The following ITPR1 variants were observed in gnomAD, a reference collection of about 807,000 sequenced individuals.
ITPR1 encodes the protein inositol 1,4,5-trisphosphate-gated calcium channel ITPR1.
In ITPR1, 96 loss-of-function variants were observed where a neutral mutation model predicts 318.4. The ratio of observed to expected loss-of-function variants is 0.30; its 90% CI spans 0.26 to 0.36. The LOEUF (loss-of-function observed/expected upper bound fraction) is 0.36. Ranked by LOEUF, ITPR1 falls within the 10% of genes least tolerant of loss-of-function variation. The pLI is 1.00. For synonymous variants in ITPR1, 1,312 were observed against 1,289.9 expected (o/e 1.02, Z -0.37); for missense variants, 2,440 against 3,460.2 (o/e 0.71, Z 7.40).
At chr3:4,627,111 G>C (rs188035196) in intron 4 of ITPR1, among the ~76,000 whole-genome samples, 1 of 151,962 alleles carries the variant, frequency 6.6e-6, no homozygotes, top group African/African-American at 2.4e-5. Flanking sequence ...ATGAGCCACC[G>C]TGCCGGGCCT....
chr3:4,694,671 A>G (rs905217698), intron 33 of ITPR1, among the ~76,000 whole-genome samples: 4 of 152,216 alleles, frequency 2.6e-5, no homozygotes, highest in African/African-American at 4.8e-5. Context: ...ACCGAAGGCA[A>G]TTATAACACA....
intron 4 of ITPR1, among the ~76,000 whole-genome samples, chr3:4,595,120 T>C (rs1171623681): frequency 6.6e-6 from 1 of 152,204 alleles, no homozygotes; most frequent in Non-Finnish European, 1.5e-5. Flanking sequence ...TCAAGTATCA[T>C]AATGAAACGT....
chr3:4,702,591 A>G (rs1006131388), intron 35 of ITPR1, among the ~76,000 whole-genome samples: 3 of 152,178 alleles, frequency 2.0e-5, no homozygotes, highest in African/African-American at 4.8e-5. Flanking sequence ...AATAGCATCA[A>G]GTTAATGCAT....
chr3:4,616,931 C>G (rs1473079787), intron 4 of ITPR1, among the ~76,000 whole-genome samples: 1 of 151,870 alleles, frequency 6.6e-6, no homozygotes, highest in African/African-American at 2.4e-5. Context: ...TGTTGCGTTG[C>G]CTCCAGGCCA....
At chr3:4,832,661 G>A (rs2050599969) in intron 60 of ITPR1, among the ~76,000 whole-genome samples, 1 of 152,016 alleles carries the variant, frequency 6.6e-6, no homozygotes, top group African/African-American at 2.4e-5. Flanking sequence ...CTTTCTATCT[G>A]GTCTACGTAA....
chr3:4,787,794 T>C (rs966726755), intron 51 of ITPR1, among the ~76,000 whole-genome samples, 153 bp from the exon 52 acceptor site: 2 of 152,172 alleles, frequency 1.3e-5, no homozygotes, highest in African/African-American at 4.8e-5. Flanking sequence ...CTATTTTTTA[T>C]ATAAATCTGA....
intron 42 of ITPR1, among the ~76,000 whole-genome samples, chr3:4,732,580 GT>G (rs1559792865): frequency 6.6e-6 from 1 of 151,922 alleles, no homozygotes; most frequent in Admixed American, 6.6e-5. Context: ...TTTGTCTTTT[GT>G]TTTTTTAACC....
chr3:4,737,858 G>A (rs2043387641), intron 44 of ITPR1, among the ~76,000 whole-genome samples: 1 of 152,192 alleles, frequency 6.6e-6, no homozygotes, highest in African/African-American at 2.4e-5. Flanking sequence ...TGTTTGGGTG[G>A]TGGTTACATG....
chr3:4,741,714 A>T (rs1006031724), intron 44 of ITPR1, among the ~76,000 whole-genome samples: 2 of 152,126 alleles, frequency 1.3e-5, no homozygotes, highest in African/African-American at 4.8e-5. Flanking sequence ...GGGCAATTTG[A>T]TTTGCCTCTG....
intron 54 of ITPR1, among the ~76,000 whole-genome samples, chr3:4,801,191 T>C (rs1473687558): frequency 1.3e-5 from 2 of 152,112 alleles, no homozygotes; most frequent in Non-Finnish European, 2.9e-5. Context: ...AACCATACAT[T>C]GGAGAGGTTT....
At position 4,766,562 on chromosome 3, in the gene ITPR1, G is replaced by A. The variant is rs2045833137; in HGVS notation, c.5577G>A (p.Lys1859=). Residue 1859 remains lysine (K), a synonymous_variant, in exon 45 of 62, where the codon AAG becomes AAA. Coordinates refer to ENST00000649015, the MANE Select transcript of ITPR1 (RefSeq NM_001378452.1). ...TTTTCTGTCGCTTGACAGAAGATAA[G>A]AAGTCAGAGAAATTCTTTAAGGTGT... ...HSFFCRLTED[K]KSEKFFKVFY... is the part of the protein sequence containing the mutation. The A allele has an allele frequency of 6.2e-7, 1 of 1,613,648 alleles. No individual in the cohort carries two copies. Among genetic ancestry groups the A allele is most frequent in the Admixed American group, 1.7e-5 (1 of 59,988 alleles).
chr3:4,602,992 G>C (rs1412404128), intron 4 of ITPR1, among the ~76,000 whole-genome samples: 2 of 152,040 alleles, frequency 1.3e-5, no homozygotes, highest in African/African-American at 4.8e-5. Context: ...TGTTGGATGT[G>C]AACAATATCT....
intron 10 of ITPR1, among the ~76,000 whole-genome samples, chr3:4,651,446 C>T (rs910261613): frequency 1.3e-5 from 2 of 152,186 alleles, no homozygotes; most frequent in African/African-American, 4.8e-5. Flanking sequence ...AGAGAGGACC[C>T]TCAGGTAGAA....
chr3:4,580,102 C>CG (rs2089154663), intron 4 of ITPR1, among the ~76,000 whole-genome samples: 1 of 151,846 alleles, frequency 6.6e-6, no homozygotes. Context: ...CCCAGCTACC[C>CG]GGGAGGCTGA....
At chr3:4,614,825 C>T (rs751246335) in intron 4 of ITPR1, among the ~76,000 whole-genome samples, 1 of 152,172 alleles carries the variant, frequency 6.6e-6, no homozygotes, top group Non-Finnish European at 1.5e-5. Flanking sequence ...AACCTGGAAA[C>T]CTGGGTTTCT....
In ITPR1 at chr3:4,644,217, A is replaced by G. The variant is rs1235475848; in HGVS notation, c.607A>G (p.Asn203Asp). Residue 203 changes from asparagine to aspartate, a missense_variant, in exon 8 of 62, where the codon AAC becomes GAC. By Grantham distance (23) the Asn-to-Asp change is conservative. Transcript: ENST00000649015. Reference protein sequence around the residue: ...LHASSHQLVDNPGCNEVNSVN... With the variant: ...LHASSHQLVDDPGCNEVNSVN... ...TGCTAGCAGCCATCAACTGGTAGAT[A>G]ACCCAGGCTGCAATGAGGTAAGGAC... 6.2e-7 allele frequency: 1 copy of G among 1,607,642 alleles called. No individual in the cohort carries two copies. Among genetic ancestry groups the G allele is most frequent in the Admixed American group, 1.7e-5 (1 of 59,248 alleles).
intron 2 of ITPR1, among the ~76,000 whole-genome samples, chr3:4,501,625 G>C (rs2081029601): frequency 6.6e-6 from 1 of 152,166 alleles, no homozygotes; most frequent in African/African-American, 2.4e-5. Flanking sequence ...GCTGACCTTT[G>C]TACTTTTCCC....
At chr3:4,738,490 G>T (rs746531907) in intron 44 of ITPR1, among the ~76,000 whole-genome samples, 3 of 152,158 alleles carry the variant, frequency 2.0e-5, no homozygotes, top group Non-Finnish European at 2.9e-5. Flanking sequence ...GAAGTCAGAG[G>T]CCCCATTCGG....
chr3:4,810,698 C>A (rs2048883573), intron 55 of ITPR1, among the ~76,000 whole-genome samples: 1 of 152,202 alleles, frequency 6.6e-6, no homozygotes, highest in Admixed American at 6.5e-5. Flanking sequence ...CTACATCCTC[C>A]AGTCTGCAAA....
Sources: allele counts gnomAD v4.1 joint callset (sites outside exome capture counted in the v4.1 genomes callset), GRCh38; gene constraint gnomAD v4.1.1; transcripts MANE v1.5; gene names NCBI Gene and HGNC (gene_info 2026-07-23, HGNC 2026-07-21).